GRIK3: variants seen among roughly 807,000 people sequenced by gnomAD.
The protein encoded by GRIK3 is glutamate ionotropic receptor kainate type subunit 3.
A neutral mutation model predicts 102.5 loss-of-function variants in GRIK3; 29 were observed. The ratio of observed to expected loss-of-function variants is 0.28; its 90% CI spans 0.21 to 0.39. The LOEUF (loss-of-function observed/expected upper bound fraction) is 0.39. Among genes scored for constraint, GRIK3 ranks in the 10% least tolerant of loss-of-function variants. The pLI is 1.00. For missense variants in GRIK3, 908 were observed against 1,252.4 expected (o/e 0.73, Z 4.15); for synonymous variants, 511 against 504.9 (o/e 1.01, Z -0.16).
At chr1:36,963,918 A>G (rs550727087) in intron 1 of GRIK3, among the ~76,000 whole-genome samples, 6 of 152,300 alleles carry the variant, frequency 3.9e-5, no homozygotes, top group Non-Finnish European at 8.8e-5. Flanking sequence ...CCATTTGTCC[A>G]TCATCCCCAG....
At chr1:36,983,180 G>A (rs181848437) in intron 1 of GRIK3, among the ~76,000 whole-genome samples, 1 of 152,230 alleles carries the variant, frequency 6.6e-6, no homozygotes, top group East Asian at 1.9e-4. Flanking sequence ...AGGACTGCCT[G>A]TGCTACTGGA....
chr1:37,032,525 C>G (rs1339826295), intron 1 of GRIK3, among the ~76,000 whole-genome samples: 1 of 152,082 alleles, frequency 6.6e-6, no homozygotes, highest in Non-Finnish European at 1.5e-5. Context: ...TGGAATGGTG[C>G]CAGGCTGGGC....
chr1:36,912,431 TC>T (rs563905138), intron 1 of GRIK3, among the ~76,000 whole-genome samples: 3 of 149,264 alleles, frequency 2.0e-5, no homozygotes, highest in African/African-American at 7.5e-5. Flanking sequence ...ACCCCCCTCC[TC>T]CCCCCTCTGC....
At chr1:36,980,331 C>G (rs537225406) in intron 1 of GRIK3, among the ~76,000 whole-genome samples, 2 of 152,122 alleles carry the variant, frequency 1.3e-5, no homozygotes, top group South Asian at 4.2e-4. Context: ...CGTGCTCTGC[C>G]CCTGCCTTGC....
chr1:36,852,675 A>T (rs572553503), intron 8 of GRIK3, among the ~76,000 whole-genome samples: 144 of 152,182 alleles, frequency 9.5e-4, no homozygotes, highest in Non-Finnish European at 1.6e-3. Flanking sequence ...GCCGGGGTGG[A>T]GAGGACCGAA....
Position 36,798,667 on chromosome 1 carries a change from C to T in GRIK3, c.*3184G>A, listed in dbSNP as rs1463057726. ...GCTCATGCTTGGGCAGCTGTGGTCCCCACTGCACTTTGAACACTAGGCTGG... is the reference window on the plus strand; with the variant it reads ...GCTCATGCTTGGGCAGCTGTGGTCCTCACTGCACTTTGAACACTAGGCTGG... On this transcript the variant is annotated 3_prime_UTR_variant, in exon 16 of 16. Transcript: ENST00000373091. 6.6e-6 allele frequency: 1 copy of T among 152,250 alleles called. No homozygotes were observed. Among genetic ancestry groups the T allele is most frequent in the Non-Finnish European group, 1.5e-5 (1 of 68,060 alleles). 9.4% of individuals were successfully genotyped at this position (152,250 alleles called of 1,614,324 possible).
chr1:36,808,340 C>T (rs1161988738), intron 13 of GRIK3, among the ~76,000 whole-genome samples: 1 of 152,210 alleles, frequency 6.6e-6, no homozygotes, highest in Non-Finnish European at 1.5e-5. Flanking sequence ...TGTGTAATCC[C>T]CTCTTCTTGA....
intron 1 of GRIK3, among the ~76,000 whole-genome samples, chr1:36,967,154 C>T (rs1642088995): frequency 6.6e-6 from 1 of 152,208 alleles, no homozygotes; most frequent in Non-Finnish European, 1.5e-5. Context: ...CTTTTAACCA[C>T]TAGACAATGA....
chr1:36,883,504 G>A (rs982273062), intron 2 of GRIK3, among the ~76,000 whole-genome samples: 1 of 152,226 alleles, frequency 6.6e-6, no homozygotes, highest in South Asian at 2.1e-4. Context: ...CCTCCTGCAA[G>A]TATGGCTTTC....
intron 2 of GRIK3, among the ~76,000 whole-genome samples, chr1:36,882,107 T>C (rs1017784016): frequency 6.6e-6 from 1 of 152,186 alleles, no homozygotes; most frequent in Non-Finnish European, 1.5e-5. Context: ...TTTCCTTCTT[T>C]ATTAAATGAT....
At chr1:36,834,722 C>T (rs941091365) in intron 10 of GRIK3, among the ~76,000 whole-genome samples, 6 of 152,154 alleles carry the variant, frequency 3.9e-5, no homozygotes, top group South Asian at 2.1e-4. Flanking sequence ...CAATCTCTAT[C>T]GCCATCTCCA....
At chr1:36,885,293 T>A (rs1329223818) in intron 2 of GRIK3, among the ~76,000 whole-genome samples, 2 of 152,178 alleles carry the variant, frequency 1.3e-5, no homozygotes, top group African/African-American at 4.8e-5. Flanking sequence ...TTGATGGTAC[T>A]GACAGTATCA....
chr1:36,927,382 G>C (rs1358853320), intron 1 of GRIK3, among the ~76,000 whole-genome samples: 1 of 152,208 alleles, frequency 6.6e-6, no homozygotes, highest in Non-Finnish European at 1.5e-5. Context: ...TGTTCACCAC[G>C]AGCCCTAAAT....
chr1:36,832,942 C>T (rs536229423), intron 10 of GRIK3, among the ~76,000 whole-genome samples: 1 of 152,318 alleles, frequency 6.6e-6, no homozygotes, highest in African/African-American at 2.4e-5. Flanking sequence ...TACACACTCC[C>T]ATAGCCCCCG....
intron 1 of GRIK3, among the ~76,000 whole-genome samples, chr1:36,956,955 C>G (rs548020161): frequency 4.6e-5 from 7 of 152,274 alleles, no homozygotes; most frequent in Non-Finnish European, 1.0e-4. Flanking sequence ...GTAAAGCACT[C>G]TGTCTCCACC....
At chr1:36,846,274 C>G (rs1640518263) in intron 9 of GRIK3, among the ~76,000 whole-genome samples, 1 of 152,150 alleles carries the variant, frequency 6.6e-6, no homozygotes, top group African/African-American at 2.4e-5. Context: ...CTGCCAGTGG[C>G]TCTGAGGGGC....
chr1:36,812,919 G>T (rs1357651920), intron 13 of GRIK3, among the ~76,000 whole-genome samples: 1 of 152,238 alleles, frequency 6.6e-6, no homozygotes, highest in Admixed American at 6.5e-5. Flanking sequence ...CCACTTGGCT[G>T]CCGCCATCTT....
intron 3 of GRIK3, among the ~76,000 whole-genome samples, chr1:36,875,443 G>T (rs571734750): frequency 6.6e-6 from 1 of 152,316 alleles, no homozygotes; most frequent in African/African-American, 2.4e-5. Flanking sequence ...CCTTTGCCAT[G>T]TAACTTTGCA....
intron 10 of GRIK3, among the ~76,000 whole-genome samples, chr1:36,839,259 AGGGGAAT>A (rs1053460400): frequency 2.2e-4 from 33 of 152,162 alleles, no homozygotes; most frequent in Admixed American, 1.7e-3. Context: ...TCATAAACGC[AGGGGAAT>A]GGATAAGATG....
Sources: gnomAD v4.1 joint callset for allele counts (sites outside exome capture counted in the v4.1 genomes callset) on GRCh38, gnomAD v4.1.1 for gene constraint, MANE v1.5 for transcripts, NCBI Gene and HGNC (gene_info 2026-07-23, HGNC 2026-07-21) for gene names.